The following NDUFAB1 variants were observed in gnomAD, a reference collection of about 807,000 sequenced individuals.
The protein encoded by NDUFAB1 is acyl carrier protein, mitochondrial.
Under a neutral mutation model 16.1 loss-of-function variants are expected in NDUFAB1, and 5 were observed. The observed-to-expected ratio is 0.31, with a 90% confidence interval of 0.16 to 0.65. The LOEUF (loss-of-function observed/expected upper bound fraction) is 0.65, where lower values mean the gene tolerates loss of function less well. NDUFAB1 is among the 30% of genes least tolerant of loss of function. The pLI is 0.77. For synonymous variants in NDUFAB1, 85 were observed against 78.4 expected, an observed-to-expected ratio of 1.08 and a Z score of -0.44; for missense variants, 187 against 205.3, an observed-to-expected ratio of 0.91 and a Z score of 0.54.
intron 1 of NDUFAB1, among the ~76,000 whole-genome samples, chr16:23,592,340 GAAAAAAAA>G (rs941048329): frequency 8.3e-6 from 1 of 120,646 alleles, no homozygotes; most frequent in African/African-American, 3.0e-5. Flanking sequence ...ACCTTGTCTG[GAAAAAAAA>G]AAAAAAAAAA....
chr16:23,585,308 A>G, intron 3 of NDUFAB1, 28 bp downstream of exon 3: 1 of 1,504,544 alleles, frequency 6.6e-7, no homozygotes, highest in East Asian at 2.3e-5. Context: ...CAAAAATCGC[A>G]GTGTGTAGAT....
At chr16:23,584,269 A>AAAAAAAAAAAAAAAAAAAAAAC (rs1555507448) in intron 3 of NDUFAB1, among the ~76,000 whole-genome samples, 1 of 138,388 alleles carries the variant, frequency 7.2e-6, no homozygotes, top group African/African-American at 2.6e-5. Context: ...AAAAAAAAAA[A>AAAAAAAAAAAAAAAAAAAAAAC]AAAAAGAAAC....
chr16:23,587,137 T>C, intron 2 of NDUFAB1, 60 bp downstream of exon 2: 2 of 1,517,772 alleles, frequency 1.3e-6, no homozygotes, highest in African/African-American at 2.8e-5. Context: ...CTTTGCATTT[T>C]CTAGCATGTA....
intron 4 of NDUFAB1, 135 bp downstream of exon 4, chr16:23,582,141 A>G: frequency 8.8e-7 from 1 of 1,131,426 alleles, no homozygotes; most frequent in Non-Finnish European, 1.2e-6. Flanking sequence ...GGCAGACAAC[A>G]GGAAAGGGCT....
intron 3 of NDUFAB1, among the ~76,000 whole-genome samples, chr16:23,585,114 ACT>A (rs761960229): frequency 2.0e-5 from 3 of 152,254 alleles, no homozygotes; most frequent in East Asian, 3.9e-4. Context: ...CACACTGGGC[ACT>A]CTGCTGGGCT....
At position 23,587,317 on chromosome 16, in the gene NDUFAB1, A is replaced by C; in HGVS notation, c.171T>G (p.Val57=). ...TLQPALVLAQ[V]PGRVTQLCRQ... Reference sequence around the variant, plus strand: ...GGCACAACTGTGTAACTCTACCAGGAACCTAGAGCGACGGCAGGAAGGAAA... The same window carrying C: ...GGCACAACTGTGTAACTCTACCAGGCACCTAGAGCGACGGCAGGAAGGAAA... The change falls in exon 2 of 5, where the codon GTT becomes GTG. Residue 57 remains valine (V), a splice_region_variant and synonymous_variant. Coordinates refer to ENST00000007516, the MANE Select transcript of NDUFAB1 (RefSeq NM_005003.3). 1 of 1,613,414 alleles carries C rather than the reference A, an allele frequency of 6.2e-7. No homozygotes were observed. The highest frequency in any genetic ancestry group is 8.5e-7 in the Non-Finnish European group (1 of 1,179,754).
chr16:23,587,338 G>T lies in NDUFAB1; in HGVS notation c.169-19C>A, dbSNP rs759122184. ...CAGGAACCTAGAGCGACGGCAGGAA[G>T]GAAACACTGTCATTGAATGGAAAAT... On this transcript the variant is annotated intron_variant, in intron 1 of 4. Transcript: ENST00000007516. 9 of 1,611,180 alleles carry T rather than the reference G, an allele frequency of 5.6e-6. No individual in the cohort carries two copies. In the East Asian group the frequency reaches 2.0e-4, roughly 36 times the overall value.
intron 1 of NDUFAB1, chr16:23,595,593 G>A (rs1966317841): frequency 2.2e-6 from 1 of 456,134 alleles, no homozygotes. Flanking sequence ...CACTTGGCTT[G>A]TTTCCTAGAA....
In NDUFAB1 at chr16:23,585,327, G is replaced by C. The variant is rs754793045; in HGVS notation, c.379+9C>G. ...AATCGCAGTGTGTAGATAGAAGACT[G>C]AGCCTTACCAAATTCGTCTTCCATG... is the stretch of plus-strand genomic sequence containing the variant. On this transcript the variant is annotated intron_variant, in intron 3 of 4. Coordinates refer to ENST00000007516, the MANE Select transcript of NDUFAB1 (RefSeq NM_005003.3). 4 of 1,598,586 alleles carry C rather than the reference G, an allele frequency of 2.5e-6. No homozygotes were observed. In the South Asian group the frequency reaches 4.4e-5, roughly 18 times the overall value.
chr16:23,591,791 C>T (rs1966282487), intron 1 of NDUFAB1, among the ~76,000 whole-genome samples: 1 of 152,178 alleles, frequency 6.6e-6, no homozygotes, highest in South Asian at 2.1e-4. Flanking sequence ...TTCAAGATCA[C>T]GTTCACTGAG....
intron 2 of NDUFAB1, among the ~76,000 whole-genome samples, chr16:23,586,451 C>T (rs1301007383): frequency 6.6e-6 from 1 of 151,792 alleles, no homozygotes; most frequent in East Asian, 1.9e-4. Flanking sequence ...TTCTCTGCCT[C>T]ATCCTCCCGA....
At chr16:23,595,994 G>A in intron 1 of NDUFAB1, 129 bp downstream of exon 1, 4 of 1,150,410 alleles carry the variant, frequency 3.5e-6, no homozygotes, top group East Asian at 5.5e-5. Flanking sequence ...CAGCGGGGCT[G>A]CGGAGCGAGC....
At position 23,587,309 on chromosome 16, in the gene NDUFAB1, C is replaced by T. The variant is rs1472542307; in HGVS notation, c.179G>A (p.Arg60Lys). 5 of 1,613,704 alleles carry T rather than the reference C, an allele frequency of 3.1e-6. No individual in the cohort carries two copies. The African/African-American group carries it at 4.0e-5, about 13-fold the overall frequency. ...ATACTGGCGGCACAACTGTGTAACT[C>T]TACCAGGAACCTAGAGCGACGGCAG... ...PALVLAQVPGRVTQLCRQYSD... is the reference protein window; with the variant it reads ...PALVLAQVPGKVTQLCRQYSD... The change falls in exon 2 of 5, where the codon AGA becomes AAA. Residue 60 changes from arginine to lysine, a missense_variant. Around this residue, in one of 3 missense-constraint regions of NDUFAB1, gnomAD observed 135 missense variants for 129.4 expected, o/e 1.04. Transcript: ENST00000007516.
At chr16:23,582,399 G>T in intron 3 of NDUFAB1, 24 bp from the exon 4 acceptor site, 1 of 1,526,864 alleles carries the variant, frequency 6.5e-7, no homozygotes, top group Admixed American at 2.4e-5. Context: ...ATACAACAAT[G>T]TGAGAGAGTT....
intron 1 of NDUFAB1, among the ~76,000 whole-genome samples, chr16:23,593,711 G>A (rs240745): frequency 0.12 from 18,453 of 152,056 alleles, 1,295 homozygotes; most frequent in African/African-American, 0.2. Flanking sequence ...CTGTATTCCA[G>A]CCTAAGTGAT....
rs1966176012 is a variant in NDUFAB1, at chr16:23,581,164, G to A, written c.*18C>T. The A allele has an allele frequency of 6.6e-6, 1 of 152,636 alleles. No individual in the cohort carries two copies. The highest frequency in any genetic ancestry group is 1.5e-5 in the Non-Finnish European group (1 of 68,058). The allele number at this position is 152,636 out of a possible 1,614,324, so 9.5% of individuals were successfully genotyped here. On this transcript the variant is annotated 3_prime_UTR_variant, in exon 5 of 5. Transcript: ENST00000007516. ...ATCATCTGAGTCCTCTCTCAGCAAA[G>A]CCAAAGGGTCTGGAAAAGACAAAAT...
Position 23,582,468 on chromosome 16 carries a change from A to G in NDUFAB1, c.380-93T>C. 3.7e-6 allele frequency: 5 copies of G among 1,362,924 alleles called. 1 individual carries two copies. The highest frequency in any genetic ancestry group is 3.8e-5 in the South Asian group (2 of 53,182). The allele number at this position is 1,362,924 out of a possible 1,614,324, so 84.4% of individuals were successfully genotyped here. The stretch of plus-strand genomic sequence containing the variant: ...TGACCCTTCTACAACAGCTACAAGT[A>G]TATCAAAACTTTCAGCAACCTTGAA... On this transcript the variant is annotated intron_variant, in intron 3 of 4. Coordinates refer to ENST00000007516, the MANE Select transcript of NDUFAB1 (RefSeq NM_005003.3).
At position 23,585,320 on chromosome 16, in the gene NDUFAB1, G is replaced by C. The variant is rs1966223584; in HGVS notation, c.379+16C>G. On this transcript the variant is annotated intron_variant, in intron 3 of 4. Transcript: ENST00000007516. ...AATCAAAAATCGCAGTGTGTAGATAGAAGACTGAGCCTTACCAAATTCGTC... is the reference window on the plus strand; with the variant it reads ...AATCAAAAATCGCAGTGTGTAGATACAAGACTGAGCCTTACCAAATTCGTC... The C allele has an allele frequency of 6.3e-7, 1 of 1,583,914 alleles. No individual in the cohort carries two copies. Among genetic ancestry groups the C allele is most frequent in the Non-Finnish European group, 8.7e-7 (1 of 1,153,694 alleles).
intron 3 of NDUFAB1, among the ~76,000 whole-genome samples, 168 bp from the exon 4 acceptor site, chr16:23,582,543 T>TTGGG (rs1966189023): frequency 6.6e-6 from 1 of 151,282 alleles, no homozygotes; most frequent in South Asian, 2.1e-4. Context: ...TGCATACAGG[T>TTGGG]TGGGTACGAT....
Sources: allele counts gnomAD v4.1 joint callset (sites outside exome capture counted in the v4.1 genomes callset), GRCh38; gene constraint gnomAD v4.1.1; regional missense constraint gnomAD v4.1.1; transcripts MANE v1.5; gene names NCBI Gene and HGNC (gene_info 2026-07-23, HGNC 2026-07-21).